The following MCPH1 variants were observed in gnomAD, a reference collection of about 807,000 sequenced individuals.
The protein encoded by MCPH1 is microcephalin.
A neutral mutation model predicts 84.5 loss-of-function variants in MCPH1; 104 were observed. That is an observed-to-expected ratio of 1.23 (90% confidence interval 1.05 to 1.45). MCPH1 has a LOEUF of 1.45. MCPH1 is among the 40% of genes most tolerant of loss of function. MCPH1 has a pLI of 0.00. For missense variants in MCPH1, 1,498 were observed against 1,005.7 expected, an observed-to-expected ratio of 1.49 and a Z score of -6.62; for synonymous variants, 514 against 366.8, an observed-to-expected ratio of 1.40 and a Z score of -4.58.
chr8:6,446,173 T>G, intron 8 of MCPH1: 1 of 885,012 alleles, frequency 1.1e-6, no homozygotes, highest in Non-Finnish European at 1.4e-6. Context: ...TATTCATAAT[T>G]TAATTGTAAT....
intron 8 of MCPH1, among the ~76,000 whole-genome samples, chr8:6,450,864 T>C (rs1805007643): frequency 6.6e-6 from 1 of 152,030 alleles, no homozygotes; most frequent in South Asian, 2.1e-4. Context: ...CACCTCAGCA[T>C]CCTGAGTAGC....
chr8:6,604,271 G>T (rs77239189), intron 12 of MCPH1, among the ~76,000 whole-genome samples: 2,708 of 152,230 alleles, frequency 0.018, 39 homozygotes, highest in Non-Finnish European at 0.028. Flanking sequence ...CTCAGCCCTG[G>T]AGGCCGGCAA....
intron 9 of MCPH1, among the ~76,000 whole-genome samples, chr8:6,456,726 C>T (rs898325205): frequency 6.6e-6 from 1 of 151,774 alleles, no homozygotes; most frequent in Non-Finnish European, 1.5e-5. Context: ...TAAAAATACT[C>T]CGTCCTGTCT....
chr8:6,512,594 G>T (rs1306821908), intron 12 of MCPH1, among the ~76,000 whole-genome samples: 2 of 152,140 alleles, frequency 1.3e-5, no homozygotes, highest in Non-Finnish European at 2.9e-5. Context: ...TCACTTCTCT[G>T]CCCCTCCCGT....
At chr8:6,437,192 T>C (rs763662021) in intron 5 of MCPH1, among the ~76,000 whole-genome samples, 7 of 152,144 alleles carry the variant, frequency 4.6e-5, no homozygotes, top group Non-Finnish European at 1.0e-4. Context: ...AGATTCTCTA[T>C]TCTGTGTTTT....
chr8:6,514,508 A>T (rs1815845746), intron 12 of MCPH1, among the ~76,000 whole-genome samples: 1 of 152,192 alleles, frequency 6.6e-6, no homozygotes, highest in South Asian at 2.1e-4. Flanking sequence ...GTTTTGATAC[A>T]GTTTACCTTA....
At chr8:6,407,388 TA>T (rs1321817588) in intron 1 of MCPH1, among the ~76,000 whole-genome samples, 2 of 152,136 alleles carry the variant, frequency 1.3e-5, no homozygotes, top group African/African-American at 4.8e-5. Flanking sequence ...ATCGGACGTT[TA>T]GGTGACTCTC....
At chr8:6,593,203 C>T (rs1330879424) in intron 12 of MCPH1, among the ~76,000 whole-genome samples, 1 of 151,194 alleles carries the variant, frequency 6.6e-6, no homozygotes, top group Non-Finnish European at 1.5e-5. Flanking sequence ...CGTGCCTCAG[C>T]CTTCCAAGTA....
At position 6,624,784 on chromosome 8, in the gene MCPH1, C is replaced by G. The variant is rs537354005; in HGVS notation, c.2452+3093C>G. 4.1e-6 allele frequency: 4 copies of G among 984,540 alleles called. No homozygotes were observed. The East Asian group carries it at 3.4e-4, about 84-fold the overall frequency. The allele number at this position is 984,540 out of a possible 1,614,324, so 61.0% of individuals were successfully genotyped here. ...TCTGTCCATACATACACACGTAAAC[C>G]TACAGAACACACAGTCCAGGGCATT... On this transcript the variant is annotated intron_variant, in intron 13 of 13. Transcript: ENST00000344683.
At chr8:6,472,813 C>T (rs769473141) in intron 9 of MCPH1, among the ~76,000 whole-genome samples, 2 of 152,054 alleles carry the variant, frequency 1.3e-5, no homozygotes, top group African/African-American at 4.8e-5. Flanking sequence ...ATTTGATTTG[C>T]GGAAGGCAAA....
At chr8:6,543,188 T>C (rs1251906124) in intron 12 of MCPH1, among the ~76,000 whole-genome samples, 1 of 152,144 alleles carries the variant, frequency 6.6e-6, no homozygotes, top group Non-Finnish European at 1.5e-5. Flanking sequence ...ATGGATAGAA[T>C]TTTTGAGATA....
chr8:6,477,572 C>A, intron 9 of MCPH1, 22 bp from the exon 10 acceptor site: 2 of 1,606,892 alleles, frequency 1.2e-6, no homozygotes, highest in South Asian at 1.1e-5. Flanking sequence ...GTTTTTTGTT[C>A]CTTCTTGTTT....
chr8:6,594,654 G>A (rs558603414), intron 12 of MCPH1, among the ~76,000 whole-genome samples: 75 of 148,450 alleles, frequency 5.1e-4, no homozygotes, highest in Non-Finnish European at 1.0e-3. Flanking sequence ...AAGTACTGAC[G>A]CTACGAAGAC....
At chr8:6,414,332 A>C (rs1027366669) in intron 2 of MCPH1, among the ~76,000 whole-genome samples, 9 of 152,200 alleles carry the variant, frequency 5.9e-5, no homozygotes, top group African/African-American at 2.2e-4. Flanking sequence ...TTAAGATATG[A>C]GGTATTTTTA....
intron 12 of MCPH1, among the ~76,000 whole-genome samples, chr8:6,583,805 C>G (rs1827757801): frequency 7.0e-6 from 1 of 143,522 alleles, no homozygotes; most frequent in African/African-American, 2.6e-5. Flanking sequence ...GCCTCATGGT[C>G]TCGGAGTCTT....
chr8:6,489,738 A>G (rs535469771), intron 11 of MCPH1, among the ~76,000 whole-genome samples: 3 of 152,230 alleles, frequency 2.0e-5, no homozygotes, highest in East Asian at 1.9e-4. Context: ...CGTGTTGCCA[A>G]CTGCAACACA....
At chr8:6,564,116 G>A (rs1171681753) in intron 12 of MCPH1, among the ~76,000 whole-genome samples, 1 of 151,800 alleles carries the variant, frequency 6.6e-6, no homozygotes, top group Non-Finnish European at 1.5e-5. Context: ...TGAGCAGCTG[G>A]GATTACAGGC....
intron 3 of MCPH1, among the ~76,000 whole-genome samples, chr8:6,428,764 C>T (rs1468838235): frequency 2.0e-5 from 3 of 149,894 alleles, no homozygotes. Flanking sequence ...CACACACACA[C>T]ACACAGAAGA....
At chr8:6,588,056 C>T (rs1028528722) in intron 12 of MCPH1, among the ~76,000 whole-genome samples, 1 of 152,166 alleles carries the variant, frequency 6.6e-6, no homozygotes, top group Non-Finnish European at 1.5e-5. Context: ...AAAGGGTTTC[C>T]ACTTTGCCAA....
Sources: gnomAD v4.1 joint callset for allele counts (sites outside exome capture counted in the v4.1 genomes callset) on GRCh38, gnomAD v4.1.1 for gene constraint, MANE v1.5 for transcripts, NCBI Gene and HGNC (gene_info 2026-07-23, HGNC 2026-07-21) for gene names.